The following COL21A1 variants were observed in gnomAD, a reference collection of about 807,000 sequenced individuals.
COL21A1 encodes collagen type XXI alpha 1 chain, also known as collagen alpha-1(XXI) chain.
In COL21A1, 149 loss-of-function variants were observed where a neutral mutation model predicts 137.9. The ratio of observed to expected loss-of-function variants is 1.08; its 90% CI spans 0.95 to 1.24. The LOEUF is 1.24. COL21A1 is among the 50% of genes most tolerant of loss of function. The pLI, the probability that COL21A1 is intolerant of heterozygous loss-of-function variation, is 0.00. For missense variants in COL21A1, 1,167 were observed against 1,158.4 expected, an observed-to-expected ratio of 1.01 and a Z score of -0.11; for synonymous variants, 456 against 391.5, an observed-to-expected ratio of 1.16 and a Z score of -1.95.
At chr6:56,264,381 C>T (rs1373967666) in intron 1 of COL21A1, among the ~76,000 whole-genome samples, 2 of 152,206 alleles carry the variant, frequency 1.3e-5, no homozygotes, top group Non-Finnish European at 2.9e-5. Context: ...ACCTTGGATA[C>T]TATCCCCTGG....
At chr6:56,251,699 A>C (rs1372762552), upstream of COL21A1, among the ~76,000 whole-genome samples, 3 of 152,260 alleles carry the variant, frequency 2.0e-5, no homozygotes, top group Admixed American at 1.3e-4. Flanking sequence ...CTAGTGAATG[A>C]AATTTAACCC....
At chr6:56,197,656 C>T (rs1250681092) in intron 1 of COL21A1, among the ~76,000 whole-genome samples, 2 of 151,950 alleles carry the variant, frequency 1.3e-5, no homozygotes, top group Non-Finnish European at 2.9e-5. Context: ...AAAGTAGCAC[C>T]ACTTCACACC....
intron 10 of COL21A1, among the ~76,000 whole-genome samples, chr6:56,150,949 G>A (rs1021339592): frequency 2.6e-5 from 4 of 152,078 alleles, no homozygotes; most frequent in Non-Finnish European, 2.9e-5. Context: ...CTCGGCCGGG[G>A]GCGGTGGCTC....
intron 1 of COL21A1, among the ~76,000 whole-genome samples, chr6:56,267,278 G>C (rs1163532864): frequency 6.6e-6 from 1 of 152,110 alleles, no homozygotes; most frequent in South Asian, 2.1e-4. Flanking sequence ...CCTCTTCCTA[G>C]TAACATTGCC....
At chr6:56,158,272 T>TC (rs1775932748) in intron 9 of COL21A1, among the ~76,000 whole-genome samples, 3 of 129,020 alleles carry the variant, frequency 2.3e-5, no homozygotes, top group Non-Finnish European at 4.8e-5. Context: ...TTTTCTTTTT[T>TC]TTTTTTTTTT....
intron 10 of COL21A1, among the ~76,000 whole-genome samples, chr6:56,145,421 C>T (rs1335216527): frequency 6.6e-6 from 1 of 152,022 alleles, no homozygotes; most frequent in Admixed American, 6.6e-5. Context: ...AACATCCAAG[C>T]TGGGGGAATC....
rs754690743 is a variant in COL21A1 at position 56,067,458 on chromosome 6, G to A, written c.2092-128C>T. 94 of 648,988 alleles carry A rather than the reference G, an allele frequency of 1.4e-4. 1 individual carries two copies. The highest frequency in any genetic ancestry group is 1.2e-3 in the African/African-American group (63 of 54,082). The allele number at this position is 648,988 out of a possible 1,614,324, so 40.2% of individuals were successfully genotyped here. A position where few individuals can be genotyped will look rare whatever the true frequency, so the allele number is the denominator to read the frequency against. On this transcript the variant is annotated intron_variant, in intron 22 of 29. Transcript: ENST00000244728. ...AACTCCACAAGTGCCTGTATACACA[G>A]AAGTTGACTCCTAACACAATACTTG... is the stretch of plus-strand genomic sequence containing the variant.
rs557345054 is a variant in COL21A1 at position 56,380,907 on chromosome 6, A to G, written c.-39+13064T>C. Among the ~76,000 whole-genome samples, 3 of 152,364 alleles carry G rather than the reference A, an allele frequency of 2.0e-5. No homozygotes were observed. The East Asian group carries it at 5.8e-4, about 29-fold the overall frequency. ...ATGAACATTATATACTAAAAAATAC[A>G]TAACAATAATATGTATTCGGTAAGG... On this transcript the variant is annotated intron_variant, in intron 1 of 28. Transcript: ENST00000370819.
chr6:56,098,652 TATAA>T (rs1770075697), intron 17 of COL21A1, among the ~76,000 whole-genome samples: 1 of 54,408 alleles, frequency 1.8e-5, no homozygotes, highest in African/African-American at 9.8e-5. Context: ...TATATAAATA[TATAA>T]ATATATATAA....
At chr6:56,171,780 T>A (rs148010638) in intron 3 of COL21A1, among the ~76,000 whole-genome samples, 36 of 151,994 alleles carry the variant, frequency 2.4e-4, no homozygotes, top group African/African-American at 8.2e-4. Context: ...ATCATACTTA[T>A]AAAGAATATT....
chr6:56,269,956 G>A (rs189327370), intron 1 of COL21A1, among the ~76,000 whole-genome samples: 19 of 152,224 alleles, frequency 1.2e-4, no homozygotes, highest in Non-Finnish European at 1.9e-4. Flanking sequence ...ACAAAAGAAC[G>A]ACACCTGCTA....
At chr6:56,314,151 A>AT (rs1236818075) in intron 1 of COL21A1, among the ~76,000 whole-genome samples, 3 of 151,986 alleles carry the variant, frequency 2.0e-5, no homozygotes, top group Non-Finnish European at 4.4e-5. Context: ...CCCCTGGCTG[A>AT]TTTTTTGTAT....
At chr6:56,071,508 G>T (rs140688454) in intron 20 of COL21A1, among the ~76,000 whole-genome samples, 2 of 151,670 alleles carry the variant, frequency 1.3e-5, no homozygotes, top group East Asian at 3.9e-4. Flanking sequence ...AAGCAGGTTG[G>T]TGTGACACCT....
At chr6:56,137,895 C>A (rs999453433) in intron 12 of COL21A1, among the ~76,000 whole-genome samples, 3 of 152,096 alleles carry the variant, frequency 2.0e-5, no homozygotes, top group African/African-American at 4.8e-5. Flanking sequence ...ATTGCAAAAG[C>A]AGCCACAGAA....
intron 10 of COL21A1, among the ~76,000 whole-genome samples, chr6:56,142,376 A>G (rs1388620466): frequency 2.0e-5 from 3 of 152,216 alleles, no homozygotes; most frequent in Non-Finnish European, 4.4e-5. Flanking sequence ...ATTAATGGCC[A>G]TCTGAGTTAG....
intron 1 of COL21A1, among the ~76,000 whole-genome samples, chr6:56,317,711 T>C (rs1764769515): frequency 6.6e-6 from 1 of 152,256 alleles, no homozygotes; most frequent in East Asian, 1.9e-4. Flanking sequence ...ACCTCGTATA[T>C]CTCCAGCTCA....
intron 23 of COL21A1, 51 bp downstream of exon 23, chr6:56,067,244 A>G: frequency 7.1e-7 from 1 of 1,401,548 alleles, no homozygotes; most frequent in Non-Finnish European, 9.9e-7. Flanking sequence ...AGAACTTTTT[A>G]AAAGCTCTGA....
At chr6:56,207,885 C>T (rs1183527735) in intron 1 of COL21A1, among the ~76,000 whole-genome samples, 1 of 152,102 alleles carries the variant, frequency 6.6e-6, no homozygotes, top group African/African-American at 2.4e-5. Flanking sequence ...TCAACATACG[C>T]AAATCAATAA....
At chr6:56,190,261 C>A (rs982098317) in intron 1 of COL21A1, among the ~76,000 whole-genome samples, 2 of 152,128 alleles carry the variant, frequency 1.3e-5, no homozygotes, top group African/African-American at 4.8e-5. Flanking sequence ...TAGGGGATAT[C>A]ACCACTGATC....
Sources: allele counts gnomAD v4.1 joint callset (sites outside exome capture counted in the v4.1 genomes callset), GRCh38; gene constraint gnomAD v4.1.1; transcripts MANE v1.5; gene names NCBI Gene and HGNC (gene_info 2026-07-23, HGNC 2026-07-21).